ZFHX3: variants seen among roughly 807,000 people sequenced by gnomAD.
ZFHX3 encodes the protein zinc finger homeobox protein 3.
ZFHX3 carries 42 observed loss-of-function variants against 279.1 expected under a neutral mutation model. The ratio of observed to expected loss-of-function variants is 0.15; its 90% CI spans 0.12 to 0.19. The LOEUF is 0.19. Among genes scored for constraint, ZFHX3 ranks in the 10% least tolerant of loss-of-function variants. ZFHX3 has a pLI of 1.00. For synonymous variants in ZFHX3, 2,293 were observed against 1,957.8 expected, an observed-to-expected ratio of 1.17 and a Z score of -4.52; for missense variants, 4,981 against 4,754.0, an observed-to-expected ratio of 1.05 and a Z score of -1.40.
intron 4 of ZFHX3, among the ~76,000 whole-genome samples, chr16:72,858,862 C>T (rs1000650327): frequency 2.0e-5 from 3 of 152,202 alleles, no homozygotes; most frequent in Admixed American, 6.5e-5. Flanking sequence ...TCTGGAAAGC[C>T]GGCCGGGTCT....
rs551960481 is a variant in ZFHX3 at position 73,385,464 on chromosome 16, T to C, written c.-1290-67128A>G. On this transcript the variant is annotated intron_variant, in intron 3 of 17. Coordinates refer to the ZFHX3 transcript ENST00000641206. The stretch of plus-strand genomic sequence containing the variant: ...CCATCACCAAGGCTGCTATCACTTA[T>C]AGGCCCTGGCAGCTCCAATCTCTCC... 1.4e-4 allele frequency among the ~76,000 whole-genome samples: 21 copies of C among 152,248 alleles called. No individual in the cohort carries two copies. In the South Asian group the frequency reaches 4.2e-3, roughly 30 times the overall value.
rs371454800 is a variant in ZFHX3, at chr16:72,787,285, G to A, written c.10991C>T (p.Ser3664Phe). 1.2e-5 allele frequency: 20 copies of A among 1,613,942 alleles called. No homozygotes were observed. The African/African-American group carries it at 2.7e-4, about 22-fold the overall frequency. The change falls in exon 10 of 10, where the codon TCT becomes TTT. Residue 3664 changes from serine to phenylalanine, a missense_variant. This residue lies in a region of ZFHX3 where 1,034 missense variants were observed against 786.0 expected (regional missense o/e 1.32). Transcript: ENST00000268489. ...GGACTTTTGGCTGAGATCCGTGTCA[G>A]ACTCCTCCGAATAGTCGTCTGTTGG... ...SMPTDDYSEE[S>F]DTDLSQKSDG...
At chr16:73,233,202 G>A (rs1466439598) in intron 5 of ZFHX3, 1 of 151,598 alleles carries the variant, frequency 6.6e-6, no homozygotes, top group Admixed American at 6.6e-5. Context: ...GGAATTGCTC[G>A]ATGTTCCTTA....
chr16:73,612,915 T>G (rs2052261532), intron 2 of ZFHX3, among the ~76,000 whole-genome samples: 2 of 151,962 alleles, frequency 1.3e-5, no homozygotes, highest in Admixed American at 6.6e-5. Context: ...AGTAGGGATT[T>G]AGGATGGTTA....
intron 3 of ZFHX3, among the ~76,000 whole-genome samples, chr16:73,441,761 T>A (rs1457292940): frequency 6.6e-6 from 1 of 152,148 alleles, no homozygotes; most frequent in Non-Finnish European, 1.5e-5. Context: ...TGAGTAATTT[T>A]CATCAAGTTA....
intron 3 of ZFHX3, among the ~76,000 whole-genome samples, chr16:72,918,476 G>A (rs984539054): frequency 2.6e-5 from 4 of 152,114 alleles, no homozygotes; most frequent in Non-Finnish European, 5.9e-5. Flanking sequence ...ACAAAAACCA[G>A]TATCCTTTAA....
intron 1 of ZFHX3, among the ~76,000 whole-genome samples, chr16:73,027,465 G>A (rs559318465): frequency 2.0e-5 from 3 of 152,172 alleles, no homozygotes. Flanking sequence ...AGAAAACAAT[G>A]CCTTTTTATG....
intron 4 of ZFHX3, among the ~76,000 whole-genome samples, chr16:73,273,754 C>T (rs1030706243): frequency 1.3e-5 from 2 of 151,982 alleles, no homozygotes; most frequent in Non-Finnish European, 2.9e-5. Context: ...ACAAATAATG[C>T]CTTAAGGAGT....
At chr16:73,729,562 A>G (rs56050897) in intron 1 of ZFHX3, among the ~76,000 whole-genome samples, 4,088 of 151,422 alleles carry the variant, frequency 0.027, 69 homozygotes, top group East Asian at 0.037. Flanking sequence ...ACCAAAAAAA[A>G]AAAAAAAAAC....
At chr16:73,577,375 C>T (rs954418425) in intron 2 of ZFHX3, among the ~76,000 whole-genome samples, 1 of 152,070 alleles carries the variant, frequency 6.6e-6, no homozygotes, top group African/African-American at 2.4e-5. Context: ...CATAGTTTTA[C>T]AAAATACACT....
chr16:73,798,689 G>C (rs1960065603), intron 1 of ZFHX3, among the ~76,000 whole-genome samples: 1 of 152,162 alleles, frequency 6.6e-6, no homozygotes, highest in Non-Finnish European at 1.5e-5. Context: ...ACAGATGACA[G>C]AAGGACGTCA....
chr16:72,838,351 C>CA (rs1006432364), intron 4 of ZFHX3, among the ~76,000 whole-genome samples: 15 of 114 alleles, frequency 0.13, no homozygotes, highest in African/African-American at 0.28. Context: ...GGCCAGGCTG[C>CA]AGCTGCGTGT....
intron 3 of ZFHX3, among the ~76,000 whole-genome samples, chr16:73,452,335 T>C (rs2018292398): frequency 6.6e-6 from 1 of 152,204 alleles, no homozygotes; most frequent in Non-Finnish European, 1.5e-5. Flanking sequence ...GAGATTTTAA[T>C]TTACTGCTTT....
chr16:73,593,226 C>T (rs757607019), intron 2 of ZFHX3, among the ~76,000 whole-genome samples: 9 of 151,982 alleles, frequency 5.9e-5, no homozygotes, highest in Non-Finnish European at 1.0e-4. Context: ...ATTACTCAAA[C>T]TATTCTGAAG....
chr16:73,408,060 T>C (rs1162619323), intron 3 of ZFHX3, among the ~76,000 whole-genome samples: 1 of 116,240 alleles, frequency 8.6e-6, no homozygotes, highest in African/African-American at 3.3e-5. Context: ...CAGGAGTGGA[T>C]GGGGGTGGGT....
chr16:72,871,668 G>C (rs1159738923), intron 4 of ZFHX3, among the ~76,000 whole-genome samples: 1 of 151,508 alleles, frequency 6.6e-6, no homozygotes, highest in Non-Finnish European at 1.5e-5. Flanking sequence ...GTAGAGACGG[G>C]GTTTCACCAT....
At chr16:73,822,605 C>A (rs1252233974) in intron 1 of ZFHX3, among the ~76,000 whole-genome samples, 3 of 152,052 alleles carry the variant, frequency 2.0e-5, no homozygotes, top group African/African-American at 7.2e-5. Flanking sequence ...GGCATAGATA[C>A]TGAAGGTTCC....
At chr16:73,215,145 T>A (rs1251004613) in intron 5 of ZFHX3, among the ~76,000 whole-genome samples, 1 of 152,134 alleles carries the variant, frequency 6.6e-6, no homozygotes, top group Non-Finnish European at 1.5e-5. Context: ...AACCAATTCA[T>A]AACCAAAGTA....
In ZFHX3 at chr16:73,197,431, G is replaced by C. The variant is rs74028084; in HGVS notation, c.-1103-53600C>G. 1.6e-3 allele frequency among the ~76,000 whole-genome samples: 251 copies of C among 152,278 alleles called. 1 individual carries two copies. The highest frequency in any genetic ancestry group is 5.7e-3 in the African/African-American group (235 of 41,550). Reference sequence around the variant, plus strand: ...CCAAGTACCATGTCTGTTGTCTGTTGTATTTTTCATCTCAGTACCCTGCTC... The same window carrying C: ...CCAAGTACCATGTCTGTTGTCTGTTCTATTTTTCATCTCAGTACCCTGCTC... On this transcript the variant is annotated intron_variant, in intron 5 of 17. Coordinates refer to the ZFHX3 transcript ENST00000641206.
Sources: allele counts gnomAD v4.1 joint callset (sites outside exome capture counted in the v4.1 genomes callset), GRCh38; gene constraint gnomAD v4.1.1; regional missense constraint gnomAD v4.1.1; transcripts MANE v1.5; gene names NCBI Gene and HGNC (gene_info 2026-07-23, HGNC 2026-07-21).